The following UHMK1 variants were observed in gnomAD, a reference collection of about 807,000 sequenced individuals.
The protein encoded by UHMK1 is serine/threonine-protein kinase Kist.
UHMK1 carries 18 observed loss-of-function variants against 44.0 expected under a neutral mutation model. The observed-to-expected ratio is 0.41, with a 90% CI of 0.28 to 0.61. The LOEUF (loss-of-function observed/expected upper bound fraction) is 0.61, where lower values mean the gene tolerates loss of function less well. Ranked by LOEUF, UHMK1 falls within the 20% of genes least tolerant of loss-of-function variation. The pLI is 0.31. For missense variants in UHMK1, 463 were observed against 522.5 expected, an observed-to-expected ratio of 0.89 and a Z score of 1.11; for synonymous variants, 231 against 198.5, an observed-to-expected ratio of 1.16 and a Z score of -1.38.
At chr1:162,513,414 T>C (rs1417593862) in intron 6 of UHMK1, among the ~76,000 whole-genome samples, 1 of 152,228 alleles carries the variant, frequency 6.6e-6, no homozygotes, top group Non-Finnish European at 1.5e-5. Context: ...TAACATTCAT[T>C]CATTTAAGAC....
At chr1:162,518,227 G>A in intron 7 of UHMK1, 37 bp downstream of exon 7, 1 of 1,455,532 alleles carries the variant, frequency 6.9e-7, no homozygotes, top group South Asian at 1.2e-5. Flanking sequence ...ATTACTCAGA[G>A]GTTATTAAAA....
At position 162,500,588 on chromosome 1, in the gene UHMK1, C is replaced by T. The variant is rs78019644; in HGVS notation, c.562-325C>T. The T allele has an allele frequency of 4.7e-3, 1,852 of 398,058 alleles. 65 individuals are homozygous for T. The East Asian group carries it at 0.076, about 16-fold the overall frequency. The allele number at this position is 398,058 out of a possible 1,614,324, so 24.7% of individuals were successfully genotyped here. ...TCAGTGTTGGGGCTGTATCTCGTGG[C>T]AGAATGCATATGATAGTTCTGCCAA... On this transcript the variant is annotated intron_variant, in intron 2 of 7. Transcript: ENST00000489294.
At position 162,525,736 on chromosome 1, in the gene UHMK1, C is replaced by T. The variant is rs1384946343; in HGVS notation, c.*3186C>T. 1.3e-5 allele frequency: 2 copies of T among 152,156 alleles called. No homozygotes were observed. The highest frequency in any genetic ancestry group is 6.6e-5 in the Admixed American group (1 of 15,264). 9.4% of individuals were successfully genotyped at this position (152,156 alleles called of 1,614,324 possible). ...TTTTTTGTGGCCACCAATATAGCAG[C>T]TCTCTTTAGAGGGATTCCCTTTCTG... is the stretch of plus-strand genomic sequence containing the variant. On this transcript the variant is annotated 3_prime_UTR_variant, in exon 8 of 8. Coordinates refer to ENST00000489294, the MANE Select transcript of UHMK1 (RefSeq NM_175866.5).
In UHMK1 at chr1:162,497,825, G is replaced by C; in HGVS notation, c.-176G>C. On this transcript the variant is annotated 5_prime_UTR_variant, in exon 1 of 8. Transcript: ENST00000489294. ...CCTCCATTTCCGGCTTCTGGGACTC[G>C]GGTGCACCACGGCTTCCGGTGTCAT... 1.5e-6 allele frequency: 2 copies of C among 1,336,950 alleles called. No homozygotes were observed. The highest frequency in any genetic ancestry group is 1.9e-6 in the Non-Finnish European group (2 of 1,048,198). The allele number at this position is 1,336,950 out of a possible 1,614,324, so 82.8% of individuals were successfully genotyped here. A position where few individuals can be genotyped will look rare whatever the true frequency, so the allele number is the denominator to read the frequency against.
At chr1:162,518,433 C>T (rs1045684690) in intron 7 of UHMK1, among the ~76,000 whole-genome samples, 6 of 151,210 alleles carry the variant, frequency 4.0e-5, no homozygotes, top group Admixed American at 6.6e-5. Flanking sequence ...GTGGTGGTTA[C>T]GCCTGTAATC....
At position 162,503,878 on chromosome 1, in the gene UHMK1, G is replaced by A. The variant is rs766723857; in HGVS notation, c.848+30G>A. On this transcript the variant is annotated intron_variant, in intron 4 of 7. Transcript: ENST00000489294. ...GTTACACGTACCATAAACTTGCTTT[G>A]CATTCATGTACTATGTGAAATGGTA... 22 of 1,558,150 alleles carry A rather than the reference G, an allele frequency of 1.4e-5. No individual in the cohort carries two copies. In the East Asian group the frequency reaches 1.6e-4, roughly 11 times the overall value.
At chr1:162,508,906 C>T (rs573804280) in intron 4 of UHMK1, among the ~76,000 whole-genome samples, 70 of 152,108 alleles carry the variant, frequency 4.6e-4, no homozygotes, top group African/African-American at 1.7e-3. Flanking sequence ...AATCCTCCCA[C>T]CTTAGCCTCC....
Position 162,511,848 on chromosome 1 carries a change from C to T in UHMK1, c.849-652C>T, listed in dbSNP as rs1651679998. On this transcript the variant is annotated intron_variant, in intron 4 of 7. Transcript: ENST00000489294. The stretch of plus-strand genomic sequence containing the variant: ...CAGCACCGTTTATTGAAAATACTGT[C>T]CTTTCCCCATTGTGTTTTCTTGGCA... Among the ~76,000 whole-genome samples the T allele has an allele frequency of 4.6e-5, 7 of 152,214 alleles. No homozygotes were observed. The South Asian group carries it at 1.5e-3, about 32-fold the overall frequency.
intron 2 of UHMK1, chr1:162,500,666 A>G (rs1041862062): frequency 2.3e-5 from 11 of 473,126 alleles, no homozygotes; most frequent in African/African-American, 2.1e-4. Flanking sequence ...TATTATCAGC[A>G]GTGCCTAATA....
At chr1:162,519,163 C>T (rs947095851) in intron 7 of UHMK1, among the ~76,000 whole-genome samples, 1 of 44,792 alleles carries the variant, frequency 2.2e-5, no homozygotes, top group Non-Finnish European at 5.0e-5. Context: ...CTAAAAATAC[C>T]AAAAATTAGC....
At chr1:162,498,413 C>G (rs1010070235) in intron 1 of UHMK1, 145 bp downstream of exon 1, 1 of 1,034,228 alleles carries the variant, frequency 9.7e-7, no homozygotes, top group Non-Finnish European at 1.4e-6. Context: ...GGCCCCTTTC[C>G]CCTTTCACTT....
intron 4 of UHMK1, among the ~76,000 whole-genome samples, chr1:162,507,730 G>T (rs1415128327): frequency 6.6e-6 from 1 of 151,626 alleles, no homozygotes; most frequent in Non-Finnish European, 1.5e-5. Context: ...GGGACTACAG[G>T]CACCCGCTAC....
intron 4 of UHMK1, among the ~76,000 whole-genome samples, chr1:162,511,930 T>G (rs1245652070): frequency 6.6e-6 from 1 of 152,164 alleles, no homozygotes; most frequent in South Asian, 2.1e-4. Context: ...CTCTCTGATC[T>G]GTTTCATCAG....
chr1:162,502,337 T>C (rs1273693996), intron 3 of UHMK1, among the ~76,000 whole-genome samples: 1 of 152,246 alleles, frequency 6.6e-6, no homozygotes, highest in East Asian at 1.9e-4. Context: ...AAACACCTGG[T>C]CACTGATTTC....
chr1:162,509,515 T>A (rs1414845079), intron 4 of UHMK1, among the ~76,000 whole-genome samples: 4 of 152,254 alleles, frequency 2.6e-5, no homozygotes, highest in Non-Finnish European at 4.4e-5. Context: ...GAGTACCTTT[T>A]GGCTGTTTGG....
intron 4 of UHMK1, among the ~76,000 whole-genome samples, chr1:162,504,486 G>T (rs1170035913): frequency 6.6e-6 from 1 of 152,136 alleles, no homozygotes; most frequent in Non-Finnish European, 1.5e-5. Flanking sequence ...TTGCTCTTAG[G>T]CTACAACCTA....
At chr1:162,500,310 T>G in intron 2 of UHMK1, 63 bp downstream of exon 2, 4 of 1,535,046 alleles carry the variant, frequency 2.6e-6, no homozygotes, top group South Asian at 2.6e-5. Context: ...CCAAATATTT[T>G]TAAATGACAA....
At chr1:162,514,712 A>C (rs1651778467) in intron 6 of UHMK1, among the ~76,000 whole-genome samples, 1 of 152,224 alleles carries the variant, frequency 6.6e-6, no homozygotes, top group Non-Finnish European at 1.5e-5. Context: ...GTTTTGCATG[A>C]GGCATCTGAA....
rs1173273583 is a variant in UHMK1, at chr1:162,498,022, T to C, written c.22T>C (p.Trp8Arg). 1.9e-6 allele frequency: 3 copies of C among 1,594,664 alleles called. No homozygotes were observed. Among genetic ancestry groups the C allele is most frequent in the East Asian group, 2.3e-5 (1 of 44,108 alleles). The part of the protein sequence containing the change: MAGSGCA[W>R]GAEPPRFLEA... ...ACCGATGGCGGGATCCGGCTGCGCCTGGGGCGCGGAGCCGCCGCGTTTTCT... is the reference window on the plus strand; with the variant it reads ...ACCGATGGCGGGATCCGGCTGCGCCCGGGGCGCGGAGCCGCCGCGTTTTCT... The change falls in exon 1 of 8, where the codon TGG becomes CGG. Residue 8 changes from tryptophan to arginine, a missense_variant. Around this residue, in one of 3 missense-constraint regions of UHMK1, gnomAD observed 191 missense variants for 176.0 expected, o/e 1.09. Transcript: ENST00000489294.
Sources: allele counts gnomAD v4.1 joint callset (sites outside exome capture counted in the v4.1 genomes callset), GRCh38; gene constraint gnomAD v4.1.1; regional missense constraint gnomAD v4.1.1; transcripts MANE v1.5; gene names NCBI Gene and HGNC (gene_info 2026-07-23, HGNC 2026-07-21).